MIGA2: variants seen among roughly 807,000 people sequenced by gnomAD.
The protein encoded by MIGA2 is family with sequence similarity 73, member B.
MIGA2 carries 36 observed loss-of-function variants against 69.9 expected under a neutral mutation model. The observed-to-expected ratio is 0.52, with a 90% confidence interval of 0.39 to 0.68. MIGA2 has a LOEUF of 0.68. Ranked by LOEUF, MIGA2 falls within the 30% of genes least tolerant of loss-of-function variation. The pLI is 0.00. For synonymous variants in MIGA2, 333 were observed against 349.2 expected, an observed-to-expected ratio of 0.95 and a Z score of 0.52; for missense variants, 660 against 787.7, an observed-to-expected ratio of 0.84 and a Z score of 1.94.
chr9:129,037,188 A>T (rs1844637694), intron 1 of MIGA2, among the ~76,000 whole-genome samples: 1 of 151,896 alleles, frequency 6.6e-6, no homozygotes, highest in Non-Finnish European at 1.5e-5. Flanking sequence ...GGTGAATAGG[A>T]GACTGGGCAG....
At position 129,070,535 on chromosome 9, in the gene MIGA2, G is replaced by C; in HGVS notation, c.*82G>C. 7.1e-7 allele frequency: 1 copy of C among 1,407,846 alleles called. No homozygotes were observed. The highest frequency in any genetic ancestry group is 2.5e-5 in the East Asian group (1 of 39,824). 87.2% of individuals were successfully genotyped at this position (1,407,846 alleles called of 1,614,324 possible). A position where few individuals can be genotyped will look rare whatever the true frequency, so the allele number is the denominator to read the frequency against. ...GGTATCTGACAGCTGTGGTGGCTGAGGGCCGTTGCCCCTGACTTTGCCCCA... is the reference window on the plus strand; with the variant it reads ...GGTATCTGACAGCTGTGGTGGCTGACGGCCGTTGCCCCTGACTTTGCCCCA... On this transcript the variant is annotated 3_prime_UTR_variant, in exon 16 of 16. Coordinates refer to ENST00000684074, the MANE Select transcript of MIGA2 (RefSeq NM_001329990.2).
At position 129,049,956 on chromosome 9, in the gene MIGA2, T is replaced by C. The variant is rs765393843; in HGVS notation, c.668T>C (p.Leu223Pro). The C allele has an allele frequency of 6.2e-7, 1 of 1,612,094 alleles. No individual in the cohort carries two copies. The highest frequency in any genetic ancestry group is 8.5e-7 in the Non-Finnish European group (1 of 1,179,274). Residue 223 changes from leucine (L) to proline (P), a missense_variant, in exon 6 of 16, where the codon CTG becomes CCG. Physicochemically the swap from Leu to Pro is moderately conservative, Grantham distance 98 (BLOSUM62 -3). Transcript: ENST00000684074. The stretch of plus-strand genomic sequence containing the variant: ...AACCCAGAGACTGCATCAGAGCCAC[T>C]GTCTGAGGTAGGTGGTCTTCTGCAT... ...LRNPETASEP[L>P]SEPESQRKEF...
intron 6 of MIGA2, among the ~76,000 whole-genome samples, chr9:129,051,074 G>A (rs924135372): frequency 4.3e-4 from 65 of 151,110 alleles, no homozygotes; most frequent in African/African-American, 1.6e-3. Context: ...GGGTTTCATC[G>A]TATTGGTCAG....
At chr9:129,045,478 A>G (rs935534305) in intron 3 of MIGA2, among the ~76,000 whole-genome samples, 2 of 148,332 alleles carry the variant, frequency 1.3e-5, no homozygotes, top group Admixed American at 6.8e-5. Flanking sequence ...GCAAAAGTAG[A>G]CCGGGTGTGG....
At chr9:129,062,419 C>G (rs1846111736) in intron 9 of MIGA2, among the ~76,000 whole-genome samples, 1 of 151,036 alleles carries the variant, frequency 6.6e-6, no homozygotes, top group Middle Eastern at 3.4e-3. Flanking sequence ...GTAGTCCCAG[C>G]TACTTGGGAG....
Position 129,063,525 on chromosome 9 carries a change from C to T in MIGA2, c.1084-20C>T. The T allele has an allele frequency of 3.1e-6, 5 of 1,613,476 alleles. No individual in the cohort carries two copies. The highest frequency in any genetic ancestry group is 4.2e-6 in the Non-Finnish European group (5 of 1,179,550). On this transcript the variant is annotated intron_variant, in intron 10 of 15. Transcript: ENST00000684074. ...CTGCCGTGCCCGGCAGCTCACTCCC[C>T]TCCCTTCCTCCTTCCCTAGGGGCTT...
chr9:129,048,887 T>G lies in MIGA2; in HGVS notation c.420+348T>G, dbSNP rs117756112. Among the ~76,000 whole-genome samples the G allele has an allele frequency of 7.9e-3, 1,209 of 152,248 alleles. 10 individuals carry two copies. The highest frequency in any genetic ancestry group is 0.017 in the Middle Eastern group (5 of 294). ...AGATAAACAAGGCAGAAGCTTGGCT[T>G]CTTCTGGGGTGTGGCTTTTGGTTCA... On this transcript the variant is annotated intron_variant, in intron 4 of 15. Coordinates refer to ENST00000684074, the MANE Select transcript of MIGA2 (RefSeq NM_001329990.2).
intron 6 of MIGA2, among the ~76,000 whole-genome samples, chr9:129,058,402 CAAAAAAA>C (rs566828123): frequency 0.045 from 2,621 of 58,422 alleles, 102 homozygotes; most frequent in Admixed American, 0.21. Flanking sequence ...GACCTTGTCT[CAAAAAAA>C]AAAAAAAAAA....
At chr9:129,039,171 TTGTTTGTGTGTG>T (rs1192599033) in intron 1 of MIGA2, among the ~76,000 whole-genome samples, 2 of 126,366 alleles carry the variant, frequency 1.6e-5, no homozygotes, top group African/African-American at 6.4e-5. Flanking sequence ...GAGTAGCTCT[TTGTTTGTGTGTG>T]TGTGTGTGTG....
rs746212564 is a variant in MIGA2, at chr9:129,068,082, T to C, written c.1270-116T>C. 1 of 1,439,798 alleles carries C rather than the reference T, an allele frequency of 6.9e-7. No homozygotes were observed. The highest frequency in any genetic ancestry group is 9.7e-7 in the Non-Finnish European group (1 of 1,026,014). The allele number at this position is 1,439,798 out of a possible 1,614,324, so 89.2% of individuals were successfully genotyped here. A position where few individuals can be genotyped will look rare whatever the true frequency, so the allele number is the denominator to read the frequency against. On this transcript the variant is annotated intron_variant, in intron 12 of 15. Transcript: ENST00000684074. The surrounding 1 kb of genome is among the most constrained non-coding windows in gnomAD (Gnocchi z 4.1). ...TGCACAGCAGAGCGGGAAAGACGTG[T>C]CCCCCCCACGTGTGCTCATGCCCTG...
Position 129,070,476 on chromosome 9 carries a change from G to A in MIGA2, c.*23G>A. The A allele has an allele frequency of 3.3e-6, 5 of 1,505,460 alleles. No individual in the cohort carries two copies. The highest frequency in any genetic ancestry group is 2.4e-5 in the East Asian group (1 of 41,608). 93.3% of individuals were successfully genotyped at this position (1,505,460 alleles called of 1,614,324 possible). On this transcript the variant is annotated 3_prime_UTR_variant, in exon 16 of 16. Coordinates refer to ENST00000684074, the MANE Select transcript of MIGA2 (RefSeq NM_001329990.2). ...TAGAGGCGGCACGGGCTGGGGGGTGGCAGAGAGAAGGCTCCTCCTCCCTTC... is the reference window on the plus strand; with the variant it reads ...TAGAGGCGGCACGGGCTGGGGGGTGACAGAGAGAAGGCTCCTCCTCCCTTC...
chr9:129,066,787 G>A (rs1232583652), intron 11 of MIGA2, among the ~76,000 whole-genome samples: 9 of 149,794 alleles, frequency 6.0e-5, no homozygotes, highest in South Asian at 2.1e-4. Flanking sequence ...GCGAAACCCC[G>A]TCTCTACTAA....
At chr9:129,054,477 CA>C (rs1293268229) in intron 6 of MIGA2, among the ~76,000 whole-genome samples, 1 of 152,160 alleles carries the variant, frequency 6.6e-6, no homozygotes, top group Non-Finnish European at 1.5e-5. Flanking sequence ...AAAGAAACAA[CA>C]ACAAAGAAAC....
Position 129,063,300 on chromosome 9 carries a change from T to TGC in MIGA2, c.1069_1070dup (p.Gln358GlyfsTer25), listed in dbSNP as rs767479280. 3 of 1,613,822 alleles carry TGC rather than the reference T, an allele frequency of 1.9e-6. No individual in the cohort carries two copies. On this transcript the variant is annotated frameshift_variant, in exon 10 of 16. Transcript: ENST00000684074. LOFTEE classifies it high-confidence loss of function. ...GACTTTCTGGCCAAGCTGCACTGTG[T>TGC]GCGGCAGGCCTTCGAGGTGGGTGTG...
chr9:129,045,279 T>TA (rs1432521550), intron 3 of MIGA2, among the ~76,000 whole-genome samples: 2 of 150,962 alleles, frequency 1.3e-5, no homozygotes, highest in African/African-American at 4.9e-5. Flanking sequence ...CCCTCTCTAC[T>TA]AAAAATACAA....
In MIGA2 at chr9:129,061,403, C is replaced by A; in HGVS notation, c.1010+57C>A. On this transcript the variant is annotated intron_variant, in intron 9 of 15. Transcript: ENST00000684074. The surrounding 1 kb of genome is among the most constrained non-coding windows in gnomAD (Gnocchi z 5.0). ...GCAGGAGGCGATGGGTGATTCTGGC[C>A]CTTGCGGGAGGCGGAGAAGCCAGCG... The A allele has an allele frequency of 6.7e-7, 1 of 1,490,878 alleles. No homozygotes were observed. The highest frequency in any genetic ancestry group is 9.1e-7 in the Non-Finnish European group (1 of 1,092,924). The allele number at this position is 1,490,878 out of a possible 1,614,324, so 92.4% of individuals were successfully genotyped here. A position where few individuals can be genotyped will look rare whatever the true frequency, so the allele number is the denominator to read the frequency against.
At chr9:129,062,633 C>T (rs1276033458) in intron 9 of MIGA2, among the ~76,000 whole-genome samples, 1 of 151,566 alleles carries the variant, frequency 6.6e-6, no homozygotes, top group Non-Finnish European at 1.5e-5. Context: ...CACTTGAGGT[C>T]AGGAGTTCAA....
rs899392447 is a variant in MIGA2 at position 129,063,842 on chromosome 9, G to A, written c.1170+211G>A. Among the ~76,000 whole-genome samples, 6 of 152,282 alleles carry A rather than the reference G, an allele frequency of 3.9e-5. No homozygotes were observed. The South Asian group carries it at 1.0e-3, about 26-fold the overall frequency. On this transcript the variant is annotated intron_variant, in intron 11 of 15. Coordinates refer to ENST00000684074, the MANE Select transcript of MIGA2 (RefSeq NM_001329990.2). ...CCCGCAGTTTACCCTGGAGTGTGGC[G>A]GCATGTGGCGTCCGTCTCTCCATGC... is the stretch of plus-strand genomic sequence containing the variant.
rs754801013 is a variant in MIGA2, at chr9:129,048,430, A to G, written c.311A>G (p.Tyr104Cys). The change falls in exon 4 of 16, where the codon TAC becomes TGC. Residue 104 changes from tyrosine (Y) to cysteine (C), a missense_variant. Physicochemically the swap from Tyr to Cys is radical, Grantham distance 194. Around this residue, in one of 3 missense-constraint regions of MIGA2, gnomAD observed 386 missense variants for 402.0 expected, o/e 0.96. Transcript: ENST00000684074. ...ARKVPSVKKGYSSRRVQSPSS... is the reference protein window; with the variant it reads ...ARKVPSVKKGCSSRRVQSPSS... The stretch of plus-strand genomic sequence containing the variant: ...CCTGCCCTTCTGCTCCTCACAGGAT[A>G]CTCCAGCCGGAGAGTCCAGAGCCCC... 1.6e-5 allele frequency: 26 copies of G among 1,613,414 alleles called. No homozygotes were observed. Among genetic ancestry groups the G allele is most frequent in the South Asian group, 9.9e-5 (9 of 91,064 alleles).
Sources: allele counts gnomAD v4.1 joint callset (sites outside exome capture counted in the v4.1 genomes callset), GRCh38; gene constraint gnomAD v4.1.1; regional missense constraint gnomAD v4.1.1; non-coding constraint Gnocchi (gnomAD v3.1); transcripts MANE v1.5; gene names NCBI Gene and HGNC (gene_info 2026-07-23, HGNC 2026-07-21).